Variants in NTM observed in about 807,000 individuals in gnomAD.
The protein encoded by NTM is neurotrimin.
In NTM, 13 loss-of-function variants were observed where a neutral mutation model predicts 42.1. The ratio of observed to expected loss-of-function variants is 0.31; its 90% CI spans 0.20 to 0.49. NTM has a LOEUF of 0.49. Among genes scored for constraint, NTM ranks in the 20% least tolerant of loss-of-function variants. The pLI, the probability that NTM is intolerant of heterozygous loss-of-function variation, is 0.99. For synonymous variants in NTM, 187 were observed against 179.2 expected, an observed-to-expected ratio of 1.04 and a Z score of -0.35; for missense variants, 373 against 452.8, an observed-to-expected ratio of 0.82 and a Z score of 1.60.
intron 1 of NTM, among the ~76,000 whole-genome samples, chr11:131,751,287 T>A (rs560641021): frequency 4.2e-4 from 63 of 151,648 alleles, no homozygotes; most frequent in Admixed American, 9.8e-4. Context: ...AAAAAATAAA[T>A]AAATAAATAA....
chr11:131,389,415 G>A (rs1350311053), intron 1 of NTM, among the ~76,000 whole-genome samples: 2 of 152,314 alleles, frequency 1.3e-5, no homozygotes, highest in African/African-American at 4.8e-5. Context: ...CCTGGCGGGC[G>A]GCAGAAGAAA....
In NTM at chr11:131,455,454, C is replaced by G. The variant is rs200094059; in HGVS notation, c.82+84566C>G. 8.5e-5 allele frequency: 13 copies of G among 152,224 alleles called. No homozygotes were observed. In the East Asian group the frequency reaches 2.3e-3, roughly 27 times the overall value. The allele number at this position is 152,224 out of a possible 1,614,324, so 9.4% of individuals were successfully genotyped here. On this transcript the variant is annotated intron_variant, in intron 1 of 8. Coordinates refer to ENST00000683400, the MANE Select transcript of NTM (RefSeq NM_001352005.2). Reference sequence around the variant, plus strand: ...AGGGCCTGACCACAAAGGAGTAGAACGATGAATCAGTAAGTTTTATCATTT... The same window carrying G: ...AGGGCCTGACCACAAAGGAGTAGAAGGATGAATCAGTAAGTTTTATCATTT...
chr11:132,139,789 C>T (rs540027871), intron 2 of NTM, among the ~76,000 whole-genome samples: 2 of 152,162 alleles, frequency 1.3e-5, no homozygotes, highest in South Asian at 2.1e-4. Context: ...TTTTATCTCT[C>T]GGGAGTTTGT....
At chr11:131,617,621 G>A (rs981045968) in intron 1 of NTM, among the ~76,000 whole-genome samples, 1 of 152,114 alleles carries the variant, frequency 6.6e-6, no homozygotes, top group African/African-American at 2.4e-5. Context: ...GGAGATTCTG[G>A]TGGCTTTAAT....
At chr11:132,315,433 A>G (rs1194987571) in intron 7 of NTM, among the ~76,000 whole-genome samples, 3 of 152,184 alleles carry the variant, frequency 2.0e-5, no homozygotes, top group African/African-American at 7.2e-5. Flanking sequence ...TGATGAACGC[A>G]GATTCTCCCT....
At chr11:132,115,213 G>C (rs1241743116) in intron 2 of NTM, among the ~76,000 whole-genome samples, 2 of 152,144 alleles carry the variant, frequency 1.3e-5, no homozygotes, top group Non-Finnish European at 2.9e-5. Flanking sequence ...GGTAATTCTG[G>C]AGATCTAACG....
rs182256880 is a variant in NTM at position 131,499,458 on chromosome 11, G to A, written c.82+128570G>A. Among the ~76,000 whole-genome samples, 509 of 152,144 alleles carry A rather than the reference G, an allele frequency of 3.3e-3. 2 individuals are homozygous for A. Among genetic ancestry groups the A allele is most frequent in the Middle Eastern group, 0.01 (3 of 294 alleles). ...CCCGGTCTGAGCCACTTTCCTATCCGGACACTTCAACTGCCTGCAGAAGGT... is the reference window on the plus strand; with the variant it reads ...CCCGGTCTGAGCCACTTTCCTATCCAGACACTTCAACTGCCTGCAGAAGGT... On this transcript the variant is annotated intron_variant, in intron 1 of 8. Transcript: ENST00000683400.
chr11:131,881,561 T>C (rs1271622000), intron 1 of NTM, among the ~76,000 whole-genome samples: 1 of 150,816 alleles, frequency 6.6e-6, no homozygotes, highest in Non-Finnish European at 1.5e-5. Context: ...GACACCAGCA[T>C]GCAAAACACA....
intron 4 of NTM, among the ~76,000 whole-genome samples, chr11:132,228,612 A>C (rs932284084): frequency 8.5e-5 from 13 of 152,226 alleles, no homozygotes; most frequent in Non-Finnish European, 1.3e-4. Flanking sequence ...CCTTCTCCCC[A>C]GAACTCATGG....
At chr11:132,029,824 G>A (rs951973906) in intron 2 of NTM, among the ~76,000 whole-genome samples, 4 of 152,122 alleles carry the variant, frequency 2.6e-5, no homozygotes, top group African/African-American at 7.2e-5. Context: ...TGGGTATAAA[G>A]TCATTTCTGC....
At chr11:131,386,466 C>T (rs927133500) in intron 1 of NTM, among the ~76,000 whole-genome samples, 2 of 152,164 alleles carry the variant, frequency 1.3e-5, no homozygotes, top group Admixed American at 6.5e-5. Context: ...TTATTTCATG[C>T]GTATTTTACT....
At chr11:131,649,772 C>T (rs2066241158) in intron 1 of NTM, among the ~76,000 whole-genome samples, 1 of 152,110 alleles carries the variant, frequency 6.6e-6, no homozygotes, top group Admixed American at 6.5e-5. Flanking sequence ...CATGAATAAC[C>T]AATAATTTTG....
intron 3 of NTM, among the ~76,000 whole-genome samples, chr11:132,197,334 G>T (rs2080394931): frequency 6.6e-6 from 1 of 152,132 alleles, no homozygotes; most frequent in Non-Finnish European, 1.5e-5. Context: ...TGGGGAAAAT[G>T]ATTCTATTAA....
intron 2 of NTM, among the ~76,000 whole-genome samples, chr11:132,108,946 C>A (rs577626252): frequency 2.0e-5 from 3 of 152,270 alleles, no homozygotes; most frequent in East Asian, 1.9e-4. Context: ...TGAGTGAGAA[C>A]ATGCAGTGTT....
At chr11:131,919,926 T>G (rs1483601716) in intron 2 of NTM, among the ~76,000 whole-genome samples, 1 of 152,162 alleles carries the variant, frequency 6.6e-6, no homozygotes, top group Non-Finnish European at 1.5e-5. Flanking sequence ...TTTTTTGTGG[T>G]GCCTCTCCTA....
intron 1 of NTM, among the ~76,000 whole-genome samples, chr11:131,415,896 C>CT (rs1178846557): frequency 3.3e-5 from 5 of 152,106 alleles, no homozygotes; most frequent in African/African-American, 1.2e-4. Context: ...TGGTAGTGGG[C>CT]ACAGGAGGTA....
At chr11:131,697,765 C>T (rs975092494) in intron 1 of NTM, among the ~76,000 whole-genome samples, 2 of 152,048 alleles carry the variant, frequency 1.3e-5, no homozygotes, top group South Asian at 2.1e-4. Context: ...GTCCCTCTTG[C>T]GTTATTTAAT....
intron 1 of NTM, among the ~76,000 whole-genome samples, chr11:131,835,929 T>C (rs965176789): frequency 6.6e-6 from 1 of 152,046 alleles, no homozygotes; most frequent in African/African-American, 2.4e-5. Context: ...ACAAATACAA[T>C]GTTGAGCAAA....
At chr11:132,109,209 A>T (rs929174605) in intron 2 of NTM, among the ~76,000 whole-genome samples, 2 of 148,368 alleles carry the variant, frequency 1.3e-5, no homozygotes, top group African/African-American at 5.0e-5. Context: ...TCTTTTAGTT[A>T]TATACCCAGT....
Sources: gnomAD v4.1 joint callset for allele counts (sites outside exome capture counted in the v4.1 genomes callset) on GRCh38, gnomAD v4.1.1 for gene constraint, MANE v1.5 for transcripts, NCBI Gene and HGNC (gene_info 2026-07-23, HGNC 2026-07-21) for gene names.